TCF7L2: variants seen among roughly 807,000 people sequenced by gnomAD.
TCF7L2 encodes the protein transcription factor 7 like 2.
In TCF7L2, 23 loss-of-function variants were observed where a neutral mutation model predicts 77.9. The observed-to-expected ratio is 0.30, with a 90% CI of 0.21 to 0.42. TCF7L2 has a LOEUF of 0.42. TCF7L2 is among the 10% of genes least tolerant of loss of function. TCF7L2 has a pLI of 1.00. For synonymous variants in TCF7L2, 413 were observed against 340.2 expected, an observed-to-expected ratio of 1.21 and a Z score of -2.36; for missense variants, 654 against 793.1, an observed-to-expected ratio of 0.82 and a Z score of 2.11.
At chr10:113,020,283 G>T (rs2048068959) in intron 4 of TCF7L2, among the ~76,000 whole-genome samples, 2 of 152,178 alleles carry the variant, frequency 1.3e-5, no homozygotes, top group Admixed American at 6.5e-5. Context: ...GACAGATGTG[G>T]CGGCCTCCAT....
intron 13 of TCF7L2, among the ~76,000 whole-genome samples, chr10:113,165,261 C>G (rs2073926154): frequency 6.6e-6 from 1 of 152,146 alleles, no homozygotes; most frequent in Admixed American, 6.5e-5. Flanking sequence ...CCATGCTGCT[C>G]TCGTATATAA....
chr10:113,136,020 C>A (rs964612933), intron 5 of TCF7L2, among the ~76,000 whole-genome samples: 1 of 152,170 alleles, frequency 6.6e-6, no homozygotes, highest in Admixed American at 6.5e-5. Flanking sequence ...TTTCTGCAGA[C>A]TGGGAGAGTG....
chr10:113,009,263 C>T (rs1354052166), intron 4 of TCF7L2, among the ~76,000 whole-genome samples: 1 of 152,180 alleles, frequency 6.6e-6, no homozygotes, highest in Non-Finnish European at 1.5e-5. Context: ...TCCTGATTTT[C>T]AGGTCATCAC....
At chr10:113,077,189 T>C (rs1214178267) in intron 5 of TCF7L2, among the ~76,000 whole-genome samples, 1 of 152,214 alleles carries the variant, frequency 6.6e-6, no homozygotes, top group African/African-American at 2.4e-5. Flanking sequence ...CTGCTTACTG[T>C]AAAATGGGAA....
At chr10:113,157,493 A>G (rs984182721) in intron 11 of TCF7L2, among the ~76,000 whole-genome samples, 2 of 152,206 alleles carry the variant, frequency 1.3e-5, no homozygotes, top group Non-Finnish European at 2.9e-5. Context: ...TTTAACAGCA[A>G]ACTCTAAGAG....
intron 3 of TCF7L2, among the ~76,000 whole-genome samples, chr10:112,956,177 A>G (rs2134335822): frequency 6.6e-6 from 1 of 152,222 alleles, no homozygotes; most frequent in East Asian, 1.9e-4. Context: ...GACCATGACT[A>G]AAACTCCGAG....
At chr10:113,058,872 A>G (rs953660413) in intron 5 of TCF7L2, among the ~76,000 whole-genome samples, 1 of 152,162 alleles carries the variant, frequency 6.6e-6, no homozygotes, top group East Asian at 1.9e-4. Context: ...ATGCTCTTGC[A>G]TTCCGTAGCT....
intron 11 of TCF7L2, among the ~76,000 whole-genome samples, chr10:113,155,221 A>C (rs1432093340): frequency 6.6e-6 from 1 of 152,222 alleles, no homozygotes; most frequent in Non-Finnish European, 1.5e-5. Flanking sequence ...TTTAGAGCCC[A>C]AGAGAAAACA....
chr10:112,955,807 C>A (rs149157119), intron 3 of TCF7L2, among the ~76,000 whole-genome samples: 1 of 152,028 alleles, frequency 6.6e-6, no homozygotes, highest in Non-Finnish European at 1.5e-5. Context: ...TTCTGTTTGC[C>A]GTGCTGGATC....
At chr10:113,027,169 T>C (rs1376011945) in intron 4 of TCF7L2, among the ~76,000 whole-genome samples, 2 of 152,222 alleles carry the variant, frequency 1.3e-5, no homozygotes, top group Non-Finnish European at 2.9e-5. Context: ...GAATTTGATT[T>C]GGTGTCTGGA....
At chr10:112,978,278 G>A (rs1015802076) in intron 4 of TCF7L2, among the ~76,000 whole-genome samples, 1 of 152,146 alleles carries the variant, frequency 6.6e-6, no homozygotes, top group African/African-American at 2.4e-5. Flanking sequence ...ACTAAGTGGT[G>A]ACCCAGCTTT....
intron 5 of TCF7L2, among the ~76,000 whole-genome samples, chr10:113,056,390 G>T (rs1254495660): frequency 6.6e-6 from 1 of 152,208 alleles, no homozygotes; most frequent in Admixed American, 6.5e-5. Flanking sequence ...AAGTGGGGCA[G>T]TGAGGGTAGA....
Position 112,950,714 on chromosome 10 carries a change from C to T in TCF7L2, c.-43C>T, listed in dbSNP as rs2030721251. On this transcript the variant is annotated 5_prime_UTR_variant, in exon 1 of 14. Transcript: ENST00000627217. ...TGATTTTTTTTGGCTTTTCTTCCTCCTTCATTTTTCTTCCAAAATTGCTGC... is the reference window on the plus strand; with the variant it reads ...TGATTTTTTTTGGCTTTTCTTCCTCTTTCATTTTTCTTCCAAAATTGCTGC... 17 of 1,522,478 alleles carry T rather than the reference C, an allele frequency of 1.1e-5. No homozygotes were observed. Among genetic ancestry groups the T allele is most frequent in the Non-Finnish European group, 1.5e-5 (17 of 1,139,416 alleles). The allele number at this position is 1,522,478 out of a possible 1,614,324, so 94.3% of individuals were successfully genotyped here.
chr10:113,023,537 T>A (rs1436106498), intron 4 of TCF7L2, among the ~76,000 whole-genome samples: 1 of 152,226 alleles, frequency 6.6e-6, no homozygotes, highest in Non-Finnish European at 1.5e-5. Context: ...AGTGGCACGA[T>A]CTCAGCTCAC....
intron 4 of TCF7L2, among the ~76,000 whole-genome samples, chr10:112,998,968 C>G (rs1035083573): frequency 6.6e-6 from 1 of 152,182 alleles, no homozygotes; most frequent in East Asian, 1.9e-4. Flanking sequence ...ATTTGAGGCT[C>G]TCTGTGCTTT....
At chr10:113,020,216 C>T (rs1011345894) in intron 4 of TCF7L2, among the ~76,000 whole-genome samples, 4 of 152,204 alleles carry the variant, frequency 2.6e-5, no homozygotes, top group Non-Finnish European at 5.9e-5. Flanking sequence ...TTGTCCAGAA[C>T]GTGCCTGACC....
chr10:113,074,607 C>T (rs2058492393), intron 5 of TCF7L2, among the ~76,000 whole-genome samples: 1 of 152,162 alleles, frequency 6.6e-6, no homozygotes, highest in Non-Finnish European at 1.5e-5. Flanking sequence ...ACATTGACAC[C>T]AGCACCATAT....
At chr10:113,098,524 G>T (rs961034006) in intron 5 of TCF7L2, among the ~76,000 whole-genome samples, 1 of 152,062 alleles carries the variant, frequency 6.6e-6, no homozygotes, top group Non-Finnish European at 1.5e-5. Flanking sequence ...GGCCAATGTG[G>T]TGAAACCCCC....
intron 4 of TCF7L2, among the ~76,000 whole-genome samples, chr10:113,010,757 T>A (rs901220620): frequency 3.6e-4 from 55 of 152,362 alleles, no homozygotes; most frequent in African/African-American, 1.2e-3. Context: ...CTCAGGCCTA[T>A]AATCCCAGCA....
Sources: gnomAD v4.1 joint callset for allele counts (sites outside exome capture counted in the v4.1 genomes callset) on GRCh38, gnomAD v4.1.1 for gene constraint, MANE v1.5 for transcripts, NCBI Gene and HGNC (gene_info 2026-07-23, HGNC 2026-07-21) for gene names.